Variants in NCKAP5L observed in about 807,000 individuals in gnomAD.
NCKAP5L encodes the protein nck-associated protein 5-like.
In NCKAP5L, 54 loss-of-function variants were observed where a neutral mutation model predicts 103.2. That is an observed-to-expected ratio of 0.52 (90% CI 0.42 to 0.66). The LOEUF is 0.66. Among genes scored for constraint, NCKAP5L ranks in the 30% least tolerant of loss-of-function variants. The pLI, the probability that NCKAP5L is intolerant of heterozygous loss-of-function variation, is 0.00. For synonymous variants in NCKAP5L, 762 were observed against 748.6 expected (o/e 1.02, Z -0.29); for missense variants, 1,733 against 1,750.6 (o/e 0.99, Z 0.18).
rs74088200 is a variant in NCKAP5L at position 49,797,706 on chromosome 12, C to T, written c.466-312G>A. Among the ~76,000 whole-genome samples, 1 of 152,186 alleles carries T rather than the reference C, an allele frequency of 6.6e-6. No homozygotes were observed. The highest frequency in any genetic ancestry group is 1.5e-5 in the Non-Finnish European group (1 of 68,038). On this transcript the variant is annotated intron_variant, in intron 7 of 12. Coordinates refer to ENST00000335999, the MANE Select transcript of NCKAP5L (RefSeq NM_001037806.4). The surrounding 1 kb of genome is among the most constrained non-coding windows in gnomAD (Gnocchi z 4.5). ...GATTAGCAGGGCTGACCACCTAAAACTCTGACCTCTGTGTTTGTCCCAGGG... is the reference window on the plus strand; with the variant it reads ...GATTAGCAGGGCTGACCACCTAAAATTCTGACCTCTGTGTTTGTCCCAGGG...
chr12:49,797,323 G>A lies in NCKAP5L; in HGVS notation c.537C>T (p.Ala179=), dbSNP rs769267905. Residue 179 remains alanine (A), a synonymous_variant, in exon 8 of 13, where the codon GCC becomes GCT. Coordinates refer to ENST00000335999, the MANE Select transcript of NCKAP5L (RefSeq NM_001037806.4). This position sits in a 1 kb window ranked among gnomAD's most constrained non-coding sequence, Gnocchi z 4.5. ...PPAAPPPALD[A]LSPFLRKKAQ... ...CCTTCTTCCGAAGGAACGGGGATAGGGCATCCAGCGCTGGGGGTGGGGCGG... is the reference window on the plus strand; with the variant it reads ...CCTTCTTCCGAAGGAACGGGGATAGAGCATCCAGCGCTGGGGGTGGGGCGG... 1 of 1,612,948 alleles carries A rather than the reference G, an allele frequency of 6.2e-7. No individual in the cohort carries two copies. Among genetic ancestry groups the A allele is most frequent in the South Asian group, 1.1e-5 (1 of 91,046 alleles).
Position 49,796,032 on chromosome 12 carries a change from G to A in NCKAP5L, c.1828C>T (p.Pro610Ser), listed in dbSNP as rs989472554. 5 of 1,555,594 alleles carry A rather than the reference G, an allele frequency of 3.2e-6. No homozygotes were observed. The African/African-American group carries it at 6.9e-5, about 21-fold the overall frequency. Residue 610 changes from proline (P) to serine (S), a missense_variant, in exon 8 of 13, where the codon CCA (proline) becomes TCA (serine). Coordinates refer to ENST00000335999, the MANE Select transcript of NCKAP5L (RefSeq NM_001037806.4). ...SPGVPPSPCL[P>S]ESYPYGSPQE... ...GGGCTCCCATAGGGGTACGATTCTGGGAGGCAAGGACTGGGGGGTACTCCA... is the reference window on the plus strand; with the variant it reads ...GGGCTCCCATAGGGGTACGATTCTGAGAGGCAAGGACTGGGGGGTACTCCA...
At chr12:49,808,529 G>A (rs989234378) in intron 1 of NCKAP5L, among the ~76,000 whole-genome samples, 7 of 152,154 alleles carry the variant, frequency 4.6e-5, no homozygotes, top group African/African-American at 1.2e-4. Flanking sequence ...AACTTCCTGC[G>A]TCCTTACCCT....
Position 49,797,683 on chromosome 12 carries a change from T to A in NCKAP5L, c.466-289A>T, listed in dbSNP as rs1946073819. On this transcript the variant is annotated intron_variant, in intron 7 of 12. Coordinates refer to ENST00000335999, the MANE Select transcript of NCKAP5L (RefSeq NM_001037806.4). This position sits in a 1 kb window ranked among gnomAD's most constrained non-coding sequence, Gnocchi z 4.5. ...CCCCTACTCCCCACAGCCATTTGGA[T>A]TAGCAGGGCTGACCACCTAAAACTC... 6.6e-6 allele frequency among the ~76,000 whole-genome samples: 1 copy of A among 152,122 alleles called. No individual in the cohort carries two copies.
intron 1 of NCKAP5L, among the ~76,000 whole-genome samples, chr12:49,826,967 C>T (rs73310907): frequency 0.037 from 5,675 of 152,232 alleles, 167 homozygotes; most frequent in African/African-American, 0.08. Flanking sequence ...GGAATATCTC[C>T]CCGGAAAGGA....
Position 49,803,916 on chromosome 12 carries a change from C to T in NCKAP5L, c.123+6G>A, listed in dbSNP as rs780418670. ...ACTGCTGCCCCTACCACGCCCCATG[C>T]CGCACCTCCAGCTCCCGCAGTCGGT... is the stretch of plus-strand genomic sequence containing the variant. On this transcript the variant is annotated splice_donor_region_variant and intron_variant, in intron 3 of 12. Transcript: ENST00000335999. 3.1e-6 allele frequency: 5 copies of T among 1,605,158 alleles called. No individual in the cohort carries two copies. The highest frequency in any genetic ancestry group is 1.7e-5 in the Admixed American group (1 of 59,998).
At chr12:49,806,470 G>A (rs1052689376) in intron 1 of NCKAP5L, among the ~76,000 whole-genome samples, 13 of 152,212 alleles carry the variant, frequency 8.5e-5, no homozygotes, top group Admixed American at 2.0e-4. Flanking sequence ...TGAGGAAACC[G>A]AGGAACAGAA....
rs775837470 is a variant in NCKAP5L at position 49,796,114 on chromosome 12, G to A, written c.1746C>T (p.Pro582=). The A allele has an allele frequency of 6.2e-7, 1 of 1,610,472 alleles. No homozygotes were observed. The highest frequency in any genetic ancestry group is 2.2e-5 in the East Asian group (1 of 44,868). ...PEPPPSPLQV[P]TYPQLTLEVP... ...CCTCCAGAGTTAGCTGTGGGTAGGTGGGCACCTGCAGTGGGGATGGAGGTG... is the reference window on the plus strand; with the variant it reads ...CCTCCAGAGTTAGCTGTGGGTAGGTAGGCACCTGCAGTGGGGATGGAGGTG... Residue 582 remains proline, a synonymous_variant, in exon 8 of 13, where the codon CCC becomes CCT. Coordinates refer to ENST00000335999, the MANE Select transcript of NCKAP5L (RefSeq NM_001037806.4).
chr12:49,800,170 G>A (rs1204188942), intron 6 of NCKAP5L, among the ~76,000 whole-genome samples: 1 of 152,234 alleles, frequency 6.6e-6, no homozygotes, highest in African/African-American at 2.4e-5. Flanking sequence ...ACTCCAGCCT[G>A]GGCAACAAGA....
chr12:49,795,069 G>A lies in NCKAP5L; in HGVS notation c.2791C>T (p.Leu931=). Residue 931 remains leucine, a synonymous_variant, in exon 8 of 13, where the codon CTG becomes TTG. Coordinates refer to ENST00000335999, the MANE Select transcript of NCKAP5L (RefSeq NM_001037806.4). ...TTGGTGGCCTCTGTGCGGCGGTTCA[G>A]CGCTGGCAGCTTGCTCTTCTTAAGG... is the stretch of plus-strand genomic sequence containing the variant. ...FGLKKSKLPA[L]NRRTEATKNK... 3 of 1,611,758 alleles carry A rather than the reference G, an allele frequency of 1.9e-6. No homozygotes were observed. In the South Asian group the frequency reaches 3.3e-5, roughly 18 times the overall value.
intron 1 of NCKAP5L, among the ~76,000 whole-genome samples, chr12:49,807,014 C>T (rs956618669): frequency 2.0e-5 from 3 of 152,140 alleles, no homozygotes; most frequent in Admixed American, 1.3e-4. Context: ...ACACAGAGGC[C>T]GACTCCGAGT....
intron 8 of NCKAP5L, 103 bp from the exon 9 acceptor site, chr12:49,793,999 C>T (rs1211194456): frequency 3.7e-6 from 4 of 1,084,914 alleles, no homozygotes; most frequent in Non-Finnish European, 4.9e-6. Flanking sequence ...CACTTCCTGC[C>T]ATCCACCCCC....
intron 3 of NCKAP5L, 49 bp from the exon 4 acceptor site, chr12:49,803,214 T>C: frequency 6.3e-7 from 1 of 1,588,038 alleles, no homozygotes; most frequent in East Asian, 2.2e-5. Flanking sequence ...TTGGGGATTA[T>C]TCTTCCCCCA....
chr12:49,824,341 G>A lies in NCKAP5L; in HGVS notation c.-99+3981C>T, dbSNP rs148343781. Among the ~76,000 whole-genome samples the A allele has an allele frequency of 2.8e-3, 431 of 152,330 alleles. 2 individuals are homozygous for A. The highest frequency in any genetic ancestry group is 0.017 in the Middle Eastern group (5 of 294). On this transcript the variant is annotated intron_variant, in intron 1 of 12. Transcript: ENST00000335999. ...AGGCACAGTCCATGAAGTGGGAGTG[G>A]GGAGCACCTTACAGCCAGGTAGGCA... is the stretch of plus-strand genomic sequence containing the variant.
At chr12:49,793,225 C>T (rs1040932637) in intron 10 of NCKAP5L, 127 bp downstream of exon 10, 7 of 998,800 alleles carry the variant, frequency 7.0e-6, no homozygotes, top group Non-Finnish European at 9.0e-6. Context: ...CCAGTGCCCA[C>T]CTGGTGCTTG....
In NCKAP5L at chr12:49,792,698, C is replaced by T. The variant is rs770572111; in HGVS notation, c.3629G>A (p.Gly1210Asp). The change falls in exon 11 of 13, where the codon GGC (glycine) becomes GAC (aspartate). Residue 1210 changes from glycine (G) to aspartate (D), a missense_variant. Gly to Asp is a moderately conservative substitution (Grantham distance 94). Coordinates refer to ENST00000335999, the MANE Select transcript of NCKAP5L (RefSeq NM_001037806.4). The surrounding 1 kb of genome is among the most constrained non-coding windows in gnomAD (Gnocchi z 4.5). ...CTCACCATCAGGACAGGTCTCATGG[C>T]CCCGGTGGCCCGGAGCAGCGGGTAG... Reference protein sequence around the residue: ...ALLPAAPGHRGHETCPDDPCE... With the variant: ...ALLPAAPGHRDHETCPDDPCE... The T allele has an allele frequency of 6.2e-7, 1 of 1,611,966 alleles. No homozygotes were observed. The highest frequency in any genetic ancestry group is 1.7e-5 in the Admixed American group (1 of 59,802).
Position 49,796,905 on chromosome 12 carries a change from C to T in NCKAP5L, c.955G>A (p.Gly319Ser), listed in dbSNP as rs748243379. 15 of 1,610,230 alleles carry T rather than the reference C, an allele frequency of 9.3e-6. No individual in the cohort carries two copies. Among genetic ancestry groups the T allele is most frequent in the East Asian group, 2.2e-5 (1 of 44,816 alleles). The change falls in exon 8 of 13, where the codon GGT becomes AGT. Residue 319 changes from glycine (G) to serine (S), a missense_variant. Coordinates refer to ENST00000335999, the MANE Select transcript of NCKAP5L (RefSeq NM_001037806.4). Reference protein sequence around the residue: ...NEAPSPDTLLGALARRQLNLG... With the variant: ...NEAPSPDTLLSALARRQLNLG... Reference sequence around the variant, plus strand: ...TTCAACTGTCTGCGGGCCAGGGCACCGAGCAGGGTGTCGGGGCTGGGTGCC... The same window carrying T: ...TTCAACTGTCTGCGGGCCAGGGCACTGAGCAGGGTGTCGGGGCTGGGTGCC...
In NCKAP5L at chr12:49,791,629, G is replaced by A. The variant is rs1322717379; in HGVS notation, c.*210C>T. On this transcript the variant is annotated 3_prime_UTR_variant, in exon 13 of 13. Transcript: ENST00000335999. ...CTCTGGGTGAGAGAAGGGACCAAGG[G>A]CGGGGTCTCTCCCTGAGCTGAGCAC... 4 of 478,468 alleles carry A rather than the reference G, an allele frequency of 8.4e-6. No homozygotes were observed. The highest frequency in any genetic ancestry group is 1.5e-5 in the Non-Finnish European group (4 of 271,884). 29.6% of individuals were successfully genotyped at this position (478,468 alleles called of 1,614,324 possible).
chr12:49,814,316 C>T (rs57593806), intron 1 of NCKAP5L, among the ~76,000 whole-genome samples: 1 of 150,880 alleles, frequency 6.6e-6, no homozygotes, highest in African/African-American at 2.4e-5. Context: ...AAGCCCGTCT[C>T]TACTAAAAAT....
Sources: gnomAD v4.1 joint callset for allele counts (sites outside exome capture counted in the v4.1 genomes callset) on GRCh38, gnomAD v4.1.1 for gene constraint, Gnocchi (gnomAD v3.1) non-coding constraint, MANE v1.5 for transcripts, NCBI Gene and HGNC (gene_info 2026-07-23, HGNC 2026-07-21) for gene names.